The following EML6 variants were observed in gnomAD, a reference collection of about 807,000 sequenced individuals.
EML6 encodes EMAP like 6, also known as echinoderm microtubule-associated protein-like 6.
Under a neutral mutation model 240.1 loss-of-function variants are expected in EML6, and 154 were observed. The observed-to-expected ratio is 0.64, with a 90% CI of 0.56 to 0.73. The LOEUF (loss-of-function observed/expected upper bound fraction) is 0.73. EML6 is among the 30% of genes least tolerant of loss of function. The pLI is 0.00. For missense variants in EML6, 2,964 were observed against 2,474.6 expected (o/e 1.20, Z -4.20); for synonymous variants, 1,148 against 899.0 (o/e 1.28, Z -4.95).
chr2:54,848,692 A>G (rs1197953944), intron 9 of EML6, among the ~76,000 whole-genome samples: 3 of 152,310 alleles, frequency 2.0e-5, no homozygotes, highest in South Asian at 2.1e-4. Context: ...TGATGAAGCC[A>G]TCTTTACTGG....
chr2:54,771,669 C>T (rs979142710), intron 2 of EML6, among the ~76,000 whole-genome samples: 8 of 152,242 alleles, frequency 5.3e-5, no homozygotes, highest in Non-Finnish European at 7.3e-5. Context: ...TGTGAACACA[C>T]GCAGACACAT....
intron 26 of EML6, among the ~76,000 whole-genome samples, chr2:54,920,716 C>G (rs2104345941): frequency 6.6e-6 from 1 of 152,198 alleles, no homozygotes; most frequent in South Asian, 2.1e-4. Flanking sequence ...TACAAGAAAA[C>G]TACAGGCCAA....
At chr2:54,914,085 G>A (rs868463439) in intron 25 of EML6, among the ~76,000 whole-genome samples, 2 of 152,124 alleles carry the variant, frequency 1.3e-5, no homozygotes, top group Non-Finnish European at 2.9e-5. Context: ...CCAGTAATAC[G>A]ATACCTCTGG....
At chr2:54,882,907 T>C (rs1671913608) in intron 17 of EML6, 1 of 135,986 alleles carries the variant, frequency 7.4e-6, no homozygotes, top group African/African-American at 2.6e-5. Flanking sequence ...CTTATGCATA[T>C]GGCAGGCGTA....
At chr2:54,763,294 A>G (rs1668054365) in intron 2 of EML6, among the ~76,000 whole-genome samples, 1 of 152,220 alleles carries the variant, frequency 6.6e-6, no homozygotes, top group Non-Finnish European at 1.5e-5. Context: ...TTAGTTCTGT[A>G]TTTTAAAAAT....
At chr2:54,896,193 G>C (rs1672754810) in intron 21 of EML6, among the ~76,000 whole-genome samples, 1 of 152,144 alleles carries the variant, frequency 6.6e-6, no homozygotes, top group South Asian at 2.1e-4. Context: ...TCAAAGTCCA[G>C]AATCTCATTA....
chr2:54,908,819 G>T (rs1411579525), intron 24 of EML6, among the ~76,000 whole-genome samples: 2 of 152,074 alleles, frequency 1.3e-5, no homozygotes, highest in Non-Finnish European at 2.9e-5. Context: ...AGAGAACTTT[G>T]ATTACCCAGC....
chr2:54,807,320 A>T (rs1169581731), intron 2 of EML6, among the ~76,000 whole-genome samples: 3 of 152,224 alleles, frequency 2.0e-5, no homozygotes, highest in East Asian at 3.8e-4. Context: ...ATCAGCCAAC[A>T]TTTGTGTTGG....
intron 28 of EML6, 109 bp downstream of exon 28, chr2:54,928,860 T>C (rs888190330): frequency 5.3e-6 from 7 of 1,309,878 alleles, no homozygotes; most frequent in South Asian, 2.8e-5. Flanking sequence ...AGTCAGTCTT[T>C]TATAAATCTT....
chr2:54,852,895 C>T (rs1021220256), intron 10 of EML6, among the ~76,000 whole-genome samples: 1 of 152,176 alleles, frequency 6.6e-6, no homozygotes, highest in African/African-American at 2.4e-5. Flanking sequence ...TCTTTGTGTG[C>T]TCTCTGGGGA....
At chr2:54,888,565 A>T (rs1189845395) in intron 17 of EML6, among the ~76,000 whole-genome samples, 1 of 152,046 alleles carries the variant, frequency 6.6e-6, no homozygotes, top group Non-Finnish European at 1.5e-5. Context: ...TTTTTTACCC[A>T]TGTTAGTAGT....
chr2:54,795,619 G>C (rs912817050), intron 2 of EML6, among the ~76,000 whole-genome samples: 4 of 151,802 alleles, frequency 2.6e-5, no homozygotes, highest in East Asian at 1.9e-4. Flanking sequence ...GGAATGTCTG[G>C]GTCTGGCGTC....
At chr2:54,848,034 A>G (rs988958046) in intron 9 of EML6, among the ~76,000 whole-genome samples, 12 of 148,990 alleles carry the variant, frequency 8.1e-5, no homozygotes, top group African/African-American at 2.8e-4. Flanking sequence ...TCTAATTCCA[A>G]GGGTTTTGGA....
intron 2 of EML6, among the ~76,000 whole-genome samples, chr2:54,780,602 G>A (rs1301155778): frequency 6.6e-6 from 1 of 152,100 alleles, no homozygotes; most frequent in Non-Finnish European, 1.5e-5. Flanking sequence ...GGTTAAAAAA[G>A]AAATACACCG....
chr2:54,891,211 G>A (rs150838282), intron 18 of EML6, 57 bp downstream of exon 18: 6 of 891,856 alleles, frequency 6.7e-6, no homozygotes, highest in Admixed American at 2.5e-5. Context: ...TAGCTGGAAA[G>A]AAAAACAAAA....
intron 35 of EML6, among the ~76,000 whole-genome samples, chr2:54,961,184 G>GTTGTGTTTTTTTTTTTTTTTTTTTT: frequency 5.4e-5 from 3 of 55,424 alleles, no homozygotes; most frequent in Non-Finnish European, 9.5e-5. Flanking sequence ...TCAGGAAGTA[G>GTTGTGTTTTTTTTTTTTTTTTTTTT]TTTTTTTTTT....
intron 2 of EML6, among the ~76,000 whole-genome samples, chr2:54,794,406 C>T (rs1456334023): frequency 1.3e-5 from 2 of 152,150 alleles, no homozygotes; most frequent in Admixed American, 6.5e-5. Flanking sequence ...AATTTGACCC[C>T]TTGCTGACCA....
intron 11 of EML6, among the ~76,000 whole-genome samples, chr2:54,856,493 G>C (rs766788459): frequency 5.9e-5 from 9 of 152,328 alleles, no homozygotes; most frequent in Non-Finnish European, 1.5e-5. Flanking sequence ...ATGGCCTATG[G>C]ACAGCTTGAA....
At chr2:54,737,831 G>A (rs1323226756) in intron 2 of EML6, among the ~76,000 whole-genome samples, 3 of 152,144 alleles carry the variant, frequency 2.0e-5, no homozygotes, top group African/African-American at 7.2e-5. Context: ...CCTACTTGGG[G>A]ATTTGGCCCC....
Sources: allele counts gnomAD v4.1 joint callset (sites outside exome capture counted in the v4.1 genomes callset), GRCh38; gene constraint gnomAD v4.1.1; transcripts MANE v1.5; gene names NCBI Gene and HGNC (gene_info 2026-07-23, HGNC 2026-07-21).